The following SEMA3A variants were observed in gnomAD, a reference collection of about 807,000 sequenced individuals.
SEMA3A encodes semaphorin-3A.
Under a neutral mutation model 97.9 loss-of-function variants are expected in SEMA3A, and 29 were observed. The ratio of observed to expected loss-of-function variants is 0.30; its 90% confidence interval spans 0.22 to 0.40. The LOEUF (loss-of-function observed/expected upper bound fraction) is 0.40. Ranked by LOEUF, SEMA3A falls within the 10% of genes least tolerant of loss-of-function variation. The pLI, the probability that SEMA3A is intolerant of heterozygous loss-of-function variation, is 1.00. For synonymous variants in SEMA3A, 321 were observed against 323.7 expected (o/e 0.99, Z 0.09); for missense variants, 763 against 951.3 (o/e 0.80, Z 2.60).
intron 3 of SEMA3A, among the ~76,000 whole-genome samples, chr7:84,264,163 T>C (rs1799932215): frequency 6.6e-6 from 1 of 152,186 alleles, no homozygotes; most frequent in African/African-American, 2.4e-5. Flanking sequence ...TAAATGCTTA[T>C]AAGTCTGTCT....
At chr7:84,203,526 A>ATATATATTTTTTTTTTTTTT in intron 3 of SEMA3A, among the ~76,000 whole-genome samples, 1 of 25,656 alleles carries the variant, frequency 3.9e-5, no homozygotes, top group Non-Finnish European at 7.1e-5. Flanking sequence ...ATATATATAT[A>ATATATATTTTTTTTTTTTTT]TTTTTTTTTT....
chr7:84,356,180 G>C (rs1802555703), intron 2 of SEMA3A, among the ~76,000 whole-genome samples: 1 of 151,626 alleles, frequency 6.6e-6, no homozygotes, highest in Non-Finnish European at 1.5e-5. Flanking sequence ...AAATTATTTT[G>C]AAATTTTTTG....
At chr7:84,356,723 A>G (rs1312997647) in intron 2 of SEMA3A, among the ~76,000 whole-genome samples, 2 of 152,048 alleles carry the variant, frequency 1.3e-5, no homozygotes, top group East Asian at 1.9e-4. Context: ...AAGGATTTCA[A>G]TTAGGTCATT....
upstream of SEMA3A, among the ~76,000 whole-genome samples, chr7:84,197,803 G>A (rs1469018635): frequency 7.2e-6 from 1 of 139,200 alleles, no homozygotes; most frequent in Non-Finnish European, 1.5e-5. Flanking sequence ...GCAGTGGCGC[G>A]ATCTCGGCTT....
At chr7:84,164,679 A>C (rs56663012) in intron 1 of SEMA3A, among the ~76,000 whole-genome samples, 1 of 152,102 alleles carries the variant, frequency 6.6e-6, no homozygotes, top group Non-Finnish European at 1.5e-5. Flanking sequence ...TTATGTATAA[A>C]TTGCATGTAG....
At chr7:84,481,971 A>C (rs1334872388) in intron 1 of SEMA3A, among the ~76,000 whole-genome samples, 1 of 151,702 alleles carries the variant, frequency 6.6e-6, no homozygotes, top group East Asian at 1.9e-4. Context: ...GACTTGTTTA[A>C]ATTAGTACAT....
intron 2 of SEMA3A, among the ~76,000 whole-genome samples, chr7:84,358,448 A>G (rs1176518282): frequency 6.6e-6 from 1 of 151,842 alleles, no homozygotes; most frequent in African/African-American, 2.4e-5. Context: ...GATAGTTGTC[A>G]ATGTGTGGTA....
At chr7:84,211,641 T>A (rs963082150) in intron 3 of SEMA3A, among the ~76,000 whole-genome samples, 1 of 151,658 alleles carries the variant, frequency 6.6e-6, no homozygotes, top group African/African-American at 2.4e-5. Context: ...AAAATTATCA[T>A]AATTCCTGTT....
chr7:84,343,259 T>G (rs778390012), intron 2 of SEMA3A, among the ~76,000 whole-genome samples: 1 of 152,180 alleles, frequency 6.6e-6, no homozygotes, highest in Non-Finnish European at 1.5e-5. Context: ...GAATTATAAA[T>G]GGTAGTTGAA....
chr7:84,066,990 C>T (rs1390738945), intron 4 of SEMA3A, among the ~76,000 whole-genome samples: 3 of 151,908 alleles, frequency 2.0e-5, no homozygotes, highest in African/African-American at 7.2e-5. Context: ...AAGAACAAAG[C>T]TGGAGGCATC....
At chr7:84,074,038 A>C (rs1449975203) in intron 4 of SEMA3A, among the ~76,000 whole-genome samples, 1 of 152,126 alleles carries the variant, frequency 6.6e-6, no homozygotes, top group Non-Finnish European at 1.5e-5. Context: ...ATCTGCTTTT[A>C]TTCTTTGTCT....
intron 11 of SEMA3A, among the ~76,000 whole-genome samples, chr7:84,002,986 T>G (rs1288345365): frequency 6.6e-6 from 1 of 152,170 alleles, no homozygotes; most frequent in Non-Finnish European, 1.5e-5. Flanking sequence ...TCAAAACTTT[T>G]ACTCTTCAAC....
At chr7:84,402,178 A>T (rs575328981) in intron 1 of SEMA3A, among the ~76,000 whole-genome samples, 1 of 152,250 alleles carries the variant, frequency 6.6e-6, no homozygotes, top group Admixed American at 6.5e-5. Context: ...AACAAAATCT[A>T]ATTTAAAAAT....
chr7:83,973,094 A>G (rs527650683), intron 15 of SEMA3A, among the ~76,000 whole-genome samples: 1 of 152,186 alleles, frequency 6.6e-6, no homozygotes, highest in East Asian at 1.9e-4. Context: ...CTTCTGACAG[A>G]TATGTGGGAT....
rs185305228 is a variant in SEMA3A at position 83,958,121 on chromosome 7, A to G, written c.*3250T>C. On this transcript the variant is annotated 3_prime_UTR_variant, in exon 17 of 17. Coordinates refer to ENST00000265362, the MANE Select transcript of SEMA3A (RefSeq NM_006080.3). ...ACACATTATAAAAATTTATCCCTAC[A>G]TTTCCTTTTTAGGTATGACATTAAA... 2.0e-4 allele frequency: 31 copies of G among 152,158 alleles called. No homozygotes were observed. The highest frequency in any genetic ancestry group is 7.2e-4 in the African/African-American group (30 of 41,570). 9.4% of individuals were successfully genotyped at this position (152,158 alleles called of 1,614,324 possible).
At chr7:84,025,211 C>T (rs1034490166) in intron 6 of SEMA3A, among the ~76,000 whole-genome samples, 1 of 152,164 alleles carries the variant, frequency 6.6e-6, no homozygotes, top group Non-Finnish European at 1.5e-5. Flanking sequence ...TGAACAAAGA[C>T]TAATTATAAA....
chr7:84,163,797 A>T (rs1311230372), intron 1 of SEMA3A, among the ~76,000 whole-genome samples: 1 of 151,970 alleles, frequency 6.6e-6, no homozygotes, highest in Non-Finnish European at 1.5e-5. Context: ...TTTTCAGATA[A>T]ATCACATTCA....
intron 2 of SEMA3A, among the ~76,000 whole-genome samples, chr7:84,332,025 A>G (rs1177827567): frequency 6.6e-6 from 1 of 152,158 alleles, no homozygotes; most frequent in African/African-American, 2.4e-5. Flanking sequence ...CATTTCTTTC[A>G]GCTTATTCAC....
chr7:84,345,221 C>A lies in SEMA3A; in HGVS notation c.-169+26603G>T, dbSNP rs1489812383. Among the ~76,000 whole-genome samples the A allele has an allele frequency of 3.3e-5, 5 of 152,192 alleles. No homozygotes were observed. The South Asian group carries it at 6.2e-4, about 19-fold the overall frequency. ...CATTATGTCCAAAAAAATGAACATA[C>A]TTTAATTTAAAAATATTGTATTATT... On this transcript the variant is annotated intron_variant, in intron 2 of 3. Transcript: ENST00000424555.
Sources: gnomAD v4.1 joint callset for allele counts (sites outside exome capture counted in the v4.1 genomes callset) on GRCh38, gnomAD v4.1.1 for gene constraint, MANE v1.5 for transcripts, NCBI Gene and HGNC (gene_info 2026-07-23, HGNC 2026-07-21) for gene names.